POLA1: variants seen among roughly 807,000 people sequenced by gnomAD.
The protein encoded by POLA1 is DNA polymerase alpha catalytic subunit.
POLA1 carries 15 observed loss-of-function variants against 124.0 expected under a neutral mutation model. The ratio of observed to expected loss-of-function variants is 0.12; its 90% CI spans 0.08 to 0.19. The LOEUF (loss-of-function observed/expected upper bound fraction) is 0.19. Ranked by LOEUF, POLA1 falls within the 10% of genes least tolerant of loss-of-function variation. The pLI, the probability that POLA1 is intolerant of heterozygous loss-of-function variation, is 1.00. For missense variants in POLA1, 886 were observed against 1,103.4 expected (o/e 0.80, Z 2.79); for synonymous variants, 408 against 389.4 (o/e 1.05, Z -0.56).
At chrX:24,760,590 A>G (rs1932778490) in intron 26 of POLA1, among the ~76,000 whole-genome samples, 1 of 112,210 alleles carries the variant, frequency 8.9e-6, no homozygotes, top group South Asian at 3.7e-4. Context: ...TCAAATTTAG[A>G]AAACAAAACA....
At chrX:24,788,302 A>G (rs1237095249) in intron 26 of POLA1, 1 of 944,264 alleles carries the variant, frequency 1.1e-6, no homozygotes, top group African/African-American at 2.1e-5. Context: ...TAAGATTGGG[A>G]ACAAGATAAG....
intron 26 of POLA1, among the ~76,000 whole-genome samples, chrX:24,806,294 A>G (rs777587076): frequency 3.7e-5 from 4 of 108,360 alleles, no homozygotes; most frequent in Non-Finnish European, 5.7e-5. Flanking sequence ...CCCATGTACC[A>G]GGCCCTCTGG....
intron 36 of POLA1, among the ~76,000 whole-genome samples, chrX:24,969,785 A>G (rs756174058): frequency 9.0e-6 from 1 of 110,738 alleles, no homozygotes; most frequent in East Asian, 2.8e-4. Context: ...TCCATTAGCT[A>G]TTCTCCCTGA....
At chrX:24,749,947 A>G (rs1427912069) in intron 26 of POLA1, among the ~76,000 whole-genome samples, 1 of 112,072 alleles carries the variant, frequency 8.9e-6, no homozygotes, top group Non-Finnish European at 1.9e-5. Flanking sequence ...GTTTAAGACT[A>G]TTTAGCCTTA....
intron 35 of POLA1, among the ~76,000 whole-genome samples, chrX:24,929,911 C>G (rs953474392): frequency 8.9e-6 from 1 of 111,844 alleles, no homozygotes; most frequent in Non-Finnish European, 1.9e-5. Flanking sequence ...TGGTACTTCT[C>G]AGAGATCATA....
chrX:24,951,449 T>G (rs1240654170), intron 36 of POLA1, among the ~76,000 whole-genome samples: 1 of 105,606 alleles, frequency 9.5e-6, no homozygotes, highest in Non-Finnish European at 1.9e-5. Context: ...TGCAGCACTC[T>G]TTTTTAGAAT....
chrX:24,874,346 A>G (rs1300744159), intron 34 of POLA1, among the ~76,000 whole-genome samples: 1 of 112,077 alleles, frequency 8.9e-6, no homozygotes, highest in Admixed American at 9.5e-5. Context: ...TGTTTAAAGG[A>G]AGAATGTTAT....
intron 34 of POLA1, among the ~76,000 whole-genome samples, chrX:24,853,027 G>A (rs1294133957): frequency 8.9e-6 from 1 of 112,560 alleles, no homozygotes; most frequent in Non-Finnish European, 1.9e-5. Flanking sequence ...TGTGGATAAA[G>A]TTATGGCTAA....
intron 36 of POLA1, among the ~76,000 whole-genome samples, chrX:24,995,313 T>G (rs1337270676): frequency 9.0e-6 from 1 of 111,248 alleles, no homozygotes; most frequent in African/African-American, 3.3e-5. Context: ...CAAAGGAAAT[T>G]TTGTTTAGCA....
intron 34 of POLA1, among the ~76,000 whole-genome samples, chrX:24,887,472 G>GT (rs2047079401): frequency 8.9e-6 from 1 of 112,390 alleles, no homozygotes; most frequent in Admixed American, 9.4e-5. Flanking sequence ...TTTATTAAGT[G>GT]TTTCTTTTAT....
intron 32 of POLA1, among the ~76,000 whole-genome samples, chrX:24,829,643 C>T (rs767832170): frequency 1.8e-3 from 207 of 112,166 alleles, no homozygotes; most frequent in African/African-American, 6.7e-3. Flanking sequence ...TTCTTATCTG[C>T]ACCCTTTATT....
chrX:24,951,860 A>G (rs976917322), intron 36 of POLA1, among the ~76,000 whole-genome samples: 2 of 111,815 alleles, frequency 1.8e-5, no homozygotes, highest in African/African-American at 6.5e-5. Context: ...AGCCATCAAA[A>G]GAAATGTGGG....
chrX:24,861,141 C>CT (rs1224327947), intron 34 of POLA1, among the ~76,000 whole-genome samples: 2 of 111,851 alleles, frequency 1.8e-5, no homozygotes, highest in African/African-American at 3.3e-5. Flanking sequence ...TTTGTTTTGT[C>CT]TTTTTTTGAG....
At chrX:24,884,287 C>T (rs890740782) in intron 34 of POLA1, among the ~76,000 whole-genome samples, 45 of 110,866 alleles carry the variant, frequency 4.1e-4, no homozygotes, top group African/African-American at 5.9e-4. Flanking sequence ...TAACTGTGAC[C>T]GTAGGTGCGT....
At chrX:24,938,040 C>G (rs1029115375) in intron 36 of POLA1, among the ~76,000 whole-genome samples, 1 of 112,427 alleles carries the variant, frequency 8.9e-6, no homozygotes, top group Non-Finnish European at 1.9e-5. Context: ...TTTGTTTCTT[C>G]GTAACTAGAA....
intron 30 of POLA1, among the ~76,000 whole-genome samples, chrX:24,816,988 A>G (rs749197325): frequency 1.8e-5 from 2 of 112,227 alleles, no homozygotes; most frequent in East Asian, 5.6e-4. Context: ...TTCATTAGTC[A>G]GCTTCAATAA....
chrX:24,890,707 A>G (rs964631440), intron 35 of POLA1, among the ~76,000 whole-genome samples: 3 of 112,557 alleles, frequency 2.7e-5, no homozygotes, highest in Non-Finnish European at 3.7e-5. Context: ...TTTAAAACTA[A>G]TTTGATCAGC....
intron 36 of POLA1, among the ~76,000 whole-genome samples, chrX:24,937,679 A>G (rs912606563): frequency 8.9e-6 from 1 of 112,056 alleles, no homozygotes; most frequent in Non-Finnish European, 1.9e-5. Flanking sequence ...GAAGCTTGTT[A>G]GAAATGCACA....
At chrX:24,878,968 G>C (rs1007528078) in intron 34 of POLA1, among the ~76,000 whole-genome samples, 20 of 111,437 alleles carry the variant, frequency 1.8e-4, no homozygotes, top group African/African-American at 5.5e-4. Context: ...AGAAAATTTT[G>C]AAAATACAGA....
Sources: allele counts gnomAD v4.1 joint callset (sites outside exome capture counted in the v4.1 genomes callset), GRCh38; gene constraint gnomAD v4.1.1; transcripts MANE v1.5; gene names NCBI Gene and HGNC (gene_info 2026-07-23, HGNC 2026-07-21).